Variants in IQCB1 observed in about 807,000 individuals in gnomAD.
IQCB1 encodes the protein IQ motif containing B1, also known as IQ calmodulin-binding motif-containing protein 1.
A neutral mutation model predicts 84.4 loss-of-function variants in IQCB1; 56 were observed. The ratio of observed to expected loss-of-function variants is 0.66; its 90% confidence interval spans 0.54 to 0.83. IQCB1 has a LOEUF of 0.83. Among genes scored for constraint, IQCB1 ranks in the 40% least tolerant of loss-of-function variants. The pLI is 0.00. For synonymous variants in IQCB1, 210 were observed against 234.8 expected, an observed-to-expected ratio of 0.89 and a Z score of 0.96; for missense variants, 629 against 682.1, an observed-to-expected ratio of 0.92 and a Z score of 0.87.
At chr3:121,804,882 T>C (rs1482719722) in intron 7 of IQCB1, among the ~76,000 whole-genome samples, 9 of 152,330 alleles carry the variant, frequency 5.9e-5, no homozygotes, top group Admixed American at 6.5e-5. Context: ...AGTTCACTGA[T>C]ATGCTTTTCT....
At chr3:121,781,647 ACACACACACACACAC>A in intron 13 of IQCB1, 81 bp downstream of exon 13, 3 of 894,756 alleles carry the variant, frequency 3.4e-6, no homozygotes, top group South Asian at 1.8e-5. Flanking sequence ...ACACACACAC[ACACACACACACACAC>A]AATATATGTG....
chr3:121,790,258 T>A (rs1317019173), intron 10 of IQCB1, 43 bp from the exon 11 acceptor site: 2 of 1,574,182 alleles, frequency 1.3e-6, no homozygotes, highest in South Asian at 1.1e-5. Context: ...TCATAAATCA[T>A]ATGAAAAAAT....
At chr3:121,781,660 C>G (rs1948498320) in intron 13 of IQCB1, 83 bp downstream of exon 13, 9 of 1,090,078 alleles carry the variant, frequency 8.3e-6, no homozygotes, top group Middle Eastern at 2.1e-4. Flanking sequence ...CACACACACA[C>G]ACAATATATG....
intron 14 of IQCB1, among the ~76,000 whole-genome samples, chr3:121,770,983 T>C (rs1245710394): frequency 1.3e-5 from 2 of 152,106 alleles, no homozygotes; most frequent in African/African-American, 4.8e-5. Context: ...ATTTCTGTTT[T>C]TTTTTGAGAC....
At chr3:121,809,830 T>C (rs1010360535) in intron 5 of IQCB1, among the ~76,000 whole-genome samples, 4 of 152,034 alleles carry the variant, frequency 2.6e-5, no homozygotes, top group Middle Eastern at 3.4e-3. Context: ...AAAGTAATGA[T>C]GAGACCCGCA....
At chr3:121,803,248 G>T (rs1042595461) in intron 7 of IQCB1, among the ~76,000 whole-genome samples, 4 of 152,056 alleles carry the variant, frequency 2.6e-5, no homozygotes, top group South Asian at 2.1e-4. Context: ...TAGAGATGGG[G>T]TTTTGCCATG....
rs1023952872 is a variant in IQCB1, at chr3:121,815,877, T to C, written c.394-6868A>G. ...CAATGCTATTTCCATCAAACTACCA[T>C]TGACTTTCTTCACAGATTTAGAAAA... On this transcript the variant is annotated intron_variant, in intron 5 of 14. Transcript: ENST00000310864. 4.7e-5 allele frequency among the ~76,000 whole-genome samples: 7 copies of C among 149,690 alleles called. No individual in the cohort carries two copies. In the South Asian group the frequency reaches 1.1e-3, roughly 23 times the overall value.
chr3:121,810,248 G>A (rs34920680), intron 5 of IQCB1, among the ~76,000 whole-genome samples: 44,648 of 151,962 alleles, frequency 0.29, 7,175 homozygotes, highest in Admixed American at 0.44. Context: ...AGGTCAGAAC[G>A]TGTATGTCCC....
intron 10 of IQCB1, among the ~76,000 whole-genome samples, chr3:121,793,748 G>A (rs1949079738): frequency 6.6e-6 from 1 of 152,006 alleles, no homozygotes; most frequent in Non-Finnish European, 1.5e-5. Flanking sequence ...AACTCTTCTG[G>A]TTACATAAAG....
At chr3:121,781,111 G>A (rs911719691) in intron 13 of IQCB1, among the ~76,000 whole-genome samples, 1 of 152,214 alleles carries the variant, frequency 6.6e-6, no homozygotes, top group African/African-American at 2.4e-5. Flanking sequence ...AAAGGTGCAG[G>A]TGATTAAAAT....
At chr3:121,806,721 T>C (rs1432371736) in intron 7 of IQCB1, among the ~76,000 whole-genome samples, 1 of 152,122 alleles carries the variant, frequency 6.6e-6, no homozygotes, top group Non-Finnish European at 1.5e-5. Context: ...TGTAATTTAA[T>C]GTATACAATG....
chr3:121,831,426 C>A (rs1331524440), intron 2 of IQCB1, among the ~76,000 whole-genome samples: 1 of 152,074 alleles, frequency 6.6e-6, no homozygotes, highest in Non-Finnish European at 1.5e-5. Flanking sequence ...AAACATGTTT[C>A]CCTCAGTTTT....
At chr3:121,798,157 A>G (rs1443343480) in intron 8 of IQCB1, among the ~76,000 whole-genome samples, 2 of 151,960 alleles carry the variant, frequency 1.3e-5, no homozygotes, top group Non-Finnish European at 2.9e-5. Flanking sequence ...CTGGCACAAT[A>G]TCAACTAAAG....
At chr3:121,834,885 G>A (rs569680986) in intron 1 of IQCB1, 81 bp downstream of exon 1, 2 of 289,892 alleles carry the variant, frequency 6.9e-6, no homozygotes, top group Non-Finnish European at 1.3e-5. Flanking sequence ...GGCTGACTTC[G>A]TCCAGGAGCC....
intron 9 of IQCB1, among the ~76,000 whole-genome samples, chr3:121,796,410 T>C (rs1256417510): frequency 6.6e-6 from 1 of 152,134 alleles, no homozygotes; most frequent in East Asian, 1.9e-4. Context: ...TTAGATGTTT[T>C]CCATATTTAA....
At chr3:121,825,898 T>C (rs1445984247) in intron 5 of IQCB1, among the ~76,000 whole-genome samples, 153 bp downstream of exon 5, 2 of 152,232 alleles carry the variant, frequency 1.3e-5, no homozygotes, top group African/African-American at 4.8e-5. Context: ...TTTTCAAACA[T>C]AGAGATGATT....
chr3:121,807,421 TAAGAAATGATC>T lies in IQCB1; in HGVS notation c.499_509del (p.Asp167ThrfsTer6), dbSNP rs751719642. 1 of 1,546,852 alleles carries T rather than the reference TAAGAAATGATC, an allele frequency of 6.5e-7. No individual in the cohort carries two copies. Among genetic ancestry groups the T allele is most frequent in the Admixed American group, 1.7e-5 (1 of 59,810 alleles). On this transcript the variant is annotated frameshift_variant, in exon 7 of 15. Transcript: ENST00000310864. LOFTEE classifies it high-confidence loss of function. The stretch of plus-strand genomic sequence containing the variant: ...GGACATTGTCAGCTTGCAGTAAATG[TAAGAAATGATC>T]ACTTTGTAGTACTAAAGGAAAAGAA...
chr3:121,780,126 G>A (rs1948410609), intron 13 of IQCB1, among the ~76,000 whole-genome samples: 1 of 152,174 alleles, frequency 6.6e-6, no homozygotes, highest in Non-Finnish European at 1.5e-5. Flanking sequence ...CAGGTACTCT[G>A]TTCTATGAAG....
In IQCB1 at chr3:121,815,389, T is replaced by C. The variant is rs556269384; in HGVS notation, c.394-6380A>G. Among the ~76,000 whole-genome samples the C allele has an allele frequency of 4.6e-5, 7 of 152,264 alleles. No homozygotes were observed. In the South Asian group the frequency reaches 6.2e-4, roughly 14 times the overall value. On this transcript the variant is annotated intron_variant, in intron 5 of 14. Transcript: ENST00000310864. ...CCACTCTCTCCACCCCTATTCAACATAGTATTGGATGTTCTGGCCAGGGCA... is the reference window on the plus strand; with the variant it reads ...CCACTCTCTCCACCCCTATTCAACACAGTATTGGATGTTCTGGCCAGGGCA...
Sources: allele counts gnomAD v4.1 joint callset (sites outside exome capture counted in the v4.1 genomes callset), GRCh38; gene constraint gnomAD v4.1.1; transcripts MANE v1.5; gene names NCBI Gene and HGNC (gene_info 2026-07-23, HGNC 2026-07-21).